Variants in TNS3 observed in about 807,000 individuals in gnomAD.
TNS3 encodes the protein tensin-3.
TNS3 carries 45 observed loss-of-function variants against 140.9 expected under a neutral mutation model. The observed-to-expected ratio is 0.32, with a 90% confidence interval of 0.25 to 0.41. The LOEUF (loss-of-function observed/expected upper bound fraction) is 0.41, where lower values mean the gene tolerates loss of function less well. Ranked by LOEUF, TNS3 falls within the 10% of genes least tolerant of loss-of-function variation. TNS3 has a pLI of 1.00. For missense variants in TNS3, 1,716 were observed against 1,906.7 expected (o/e 0.90, Z 1.86); for synonymous variants, 815 against 788.4 (o/e 1.03, Z -0.56).
At chr7:47,511,119 T>C (rs1397350735) in intron 2 of TNS3, among the ~76,000 whole-genome samples, 4 of 152,180 alleles carry the variant, frequency 2.6e-5, no homozygotes, top group South Asian at 2.1e-4. Flanking sequence ...TAAAACAGCG[T>C]AGGAAAAACT....
At chr7:47,420,961 T>C (rs1562718564) in intron 10 of TNS3, among the ~76,000 whole-genome samples, 1 of 152,156 alleles carries the variant, frequency 6.6e-6, no homozygotes, top group African/African-American at 2.4e-5. Context: ...TGGTCTGTCT[T>C]CCCTTTACCT....
chr7:47,386,226 T>C (rs907936007), intron 16 of TNS3, among the ~76,000 whole-genome samples: 1 of 152,208 alleles, frequency 6.6e-6, no homozygotes, highest in African/African-American at 2.4e-5. Context: ...CTGGGAGCAG[T>C]TGTACCCTCC....
At chr7:47,278,690 C>T (rs1784985205) in intron 30 of TNS3, 1 of 155,006 alleles carries the variant, frequency 6.5e-6, no homozygotes, top group East Asian at 1.9e-4. Flanking sequence ...ACACTCCCAC[C>T]CACTGGGACC....
At chr7:47,282,979 C>T (rs1237316313) in intron 28 of TNS3, among the ~76,000 whole-genome samples, 1 of 152,054 alleles carries the variant, frequency 6.6e-6, no homozygotes, top group African/African-American at 2.4e-5. Context: ...CTGAGTGTCC[C>T]CTGCCGGCCT....
chr7:47,414,033 C>T (rs370363853), intron 11 of TNS3, 36 bp from the exon 12 acceptor site: 13 of 1,611,308 alleles, frequency 8.1e-6, no homozygotes, highest in Middle Eastern at 1.7e-4. Flanking sequence ...AGAGGCATGA[C>T]CGGTACAGAA....
At chr7:47,316,400 C>G (rs1787412343) in intron 20 of TNS3, among the ~76,000 whole-genome samples, 1 of 152,070 alleles carries the variant, frequency 6.6e-6, no homozygotes. Context: ...CCTTCAGGAT[C>G]TTCATTTACA....
chr7:47,359,631 G>A (rs960479577), intron 17 of TNS3, among the ~76,000 whole-genome samples: 4 of 152,074 alleles, frequency 2.6e-5, no homozygotes, highest in African/African-American at 4.8e-5. Context: ...ACTGTGGGCC[G>A]GACCAAAGAT....
chr7:47,427,702 G>A (rs192658756), intron 9 of TNS3, among the ~76,000 whole-genome samples: 77 of 152,204 alleles, frequency 5.1e-4, no homozygotes, highest in African/African-American at 1.5e-3. Context: ...AAGTCTCCAC[G>A]ATTACAGTTC....
chr7:47,495,937 T>A (rs1419281925), intron 3 of TNS3, among the ~76,000 whole-genome samples: 1 of 151,940 alleles, frequency 6.6e-6, no homozygotes, highest in African/African-American at 2.4e-5. Context: ...CCACACACAT[T>A]ATGACAAGTG....
In TNS3 at chr7:47,370,861, G is replaced by T. The variant is rs542034967; in HGVS notation, c.1025-1240C>A. 9.2e-5 allele frequency among the ~76,000 whole-genome samples: 14 copies of T among 152,362 alleles called. No individual in the cohort carries two copies. The South Asian group carries it at 2.9e-3, about 32-fold the overall frequency. On this transcript the variant is annotated intron_variant, in intron 16 of 30. Coordinates refer to ENST00000311160, the MANE Select transcript of TNS3 (RefSeq NM_022748.12). Reference sequence around the variant, plus strand: ...GCCCAGGAGCCCTCTGGAGGGACCTGCCCTGAGCATGTGCCTCACAGCCCC... The same window carrying T: ...GCCCAGGAGCCCTCTGGAGGGACCTTCCCTGAGCATGTGCCTCACAGCCCC...
chr7:47,460,642 G>A (rs1412966523), intron 4 of TNS3, among the ~76,000 whole-genome samples: 1 of 152,254 alleles, frequency 6.6e-6, no homozygotes, highest in Non-Finnish European at 1.5e-5. Flanking sequence ...AATAAAGCAA[G>A]GAGTGGCATA....
chr7:47,399,097 A>AAAAACTAG (rs1793003644), intron 15 of TNS3, among the ~76,000 whole-genome samples: 1 of 151,390 alleles, frequency 6.6e-6, no homozygotes, highest in Non-Finnish European at 1.5e-5. Flanking sequence ...AAAAAAAAAA[A>AAAAACTAG]AAACTAGAAA....
At chr7:47,562,440 G>A (rs924028957) in intron 1 of TNS3, among the ~76,000 whole-genome samples, 1 of 149,420 alleles carries the variant, frequency 6.7e-6, no homozygotes, top group African/African-American at 2.5e-5. Flanking sequence ...AGTCTGGAGT[G>A]CAATGGCGCT....
chr7:47,535,909 A>G (rs571537004), intron 1 of TNS3, among the ~76,000 whole-genome samples: 1 of 152,358 alleles, frequency 6.6e-6, no homozygotes, highest in South Asian at 2.1e-4. Context: ...TTCAGGAAAT[A>G]TTCAGCTCCA....
rs568080286 is a variant in TNS3, at chr7:47,351,481, G to A, written c.2282-5125C>T. ...TCGGTGCTCCTTTAATTGTTCAACA[G>A]AGACCCAAGGCAGGCCCACTAGCTG... On this transcript the variant is annotated intron_variant, in intron 17 of 30. Coordinates refer to ENST00000311160, the MANE Select transcript of TNS3 (RefSeq NM_022748.12). Among the ~76,000 whole-genome samples, 4 of 151,894 alleles carry A rather than the reference G, an allele frequency of 2.6e-5. No individual in the cohort carries two copies. In the South Asian group the frequency reaches 8.4e-4, roughly 32 times the overall value.
At chr7:47,386,289 G>A (rs937607462) in intron 16 of TNS3, among the ~76,000 whole-genome samples, 2 of 152,218 alleles carry the variant, frequency 1.3e-5, no homozygotes, top group Non-Finnish European at 2.9e-5. Context: ...ACAGGCAGGT[G>A]CAGGCGGAGC....
In TNS3 at chr7:47,477,833, G is replaced by A. The variant is rs572117541; in HGVS notation, c.-76+3270C>T. Among the ~76,000 whole-genome samples the A allele has an allele frequency of 4.6e-5, 7 of 152,286 alleles. No individual in the cohort carries two copies. The South Asian group carries it at 1.4e-3, about 32-fold the overall frequency. On this transcript the variant is annotated intron_variant, in intron 4 of 30. Coordinates refer to ENST00000311160, the MANE Select transcript of TNS3 (RefSeq NM_022748.12). ...CCTGAGAAGCCACACGGTGCAGGCG[G>A]AAACCCTCCTGCCCAAGCTCCGCTA... is the stretch of plus-strand genomic sequence containing the variant.
intron 1 of TNS3, among the ~76,000 whole-genome samples, chr7:47,530,224 T>C (rs1409725141): frequency 6.6e-6 from 1 of 151,994 alleles, no homozygotes; most frequent in African/African-American, 2.4e-5. Context: ...TTGAGGAAAA[T>C]GTAAGAATAC....
intron 4 of TNS3, among the ~76,000 whole-genome samples, chr7:47,479,752 G>T (rs958381083): frequency 1.3e-5 from 2 of 152,214 alleles, no homozygotes; most frequent in Non-Finnish European, 2.9e-5. Flanking sequence ...GCATTAAAAG[G>T]AGCATAATAA....
Sources: gnomAD v4.1 joint callset for allele counts (sites outside exome capture counted in the v4.1 genomes callset) on GRCh38, gnomAD v4.1.1 for gene constraint, MANE v1.5 for transcripts, NCBI Gene and HGNC (gene_info 2026-07-23, HGNC 2026-07-21) for gene names.